Variants in ZNF793 observed in about 807,000 individuals in gnomAD.
The protein encoded by ZNF793 is zinc finger protein 793.
ZNF793 carries 5 observed loss-of-function variants against 12.4 expected under a neutral mutation model. The ratio of observed to expected loss-of-function variants is 0.40; its 90% CI spans 0.21 to 0.84. ZNF793 has a LOEUF of 0.84. Ranked by LOEUF, ZNF793 falls within the 40% of genes least tolerant of loss-of-function variation. The probability of loss-of-function intolerance (pLI) is 0.35; values close to 1 mark genes in which losing one functional copy is unlikely to be tolerated. For synonymous variants in ZNF793, 162 were observed against 172.4 expected, an observed-to-expected ratio of 0.94 and a Z score of 0.47; for missense variants, 456 against 495.0, an observed-to-expected ratio of 0.92 and a Z score of 0.75.
intron 5 of ZNF793, among the ~76,000 whole-genome samples, chr19:37,529,281 C>A (rs2042439045): frequency 6.6e-6 from 1 of 152,120 alleles, no homozygotes; most frequent in Admixed American, 6.5e-5. Context: ...TTCTTTACAG[C>A]GTTCCATCTT....
At chr19:37,518,674 T>G (rs1213860496) in intron 2 of ZNF793, among the ~76,000 whole-genome samples, 1 of 149,814 alleles carries the variant, frequency 6.7e-6, no homozygotes, top group Non-Finnish European at 1.5e-5. Flanking sequence ...TTGGTGCACA[T>G]CTATAGTCCT....
intron 2 of ZNF793, among the ~76,000 whole-genome samples, chr19:37,515,760 T>C (rs2042327259): frequency 6.6e-6 from 1 of 152,210 alleles, no homozygotes; most frequent in Admixed American, 6.5e-5. Context: ...TTGAGATGTA[T>C]AGAAAGTCTT....
rs1364289966 is a variant in ZNF793 at position 37,542,639 on chromosome 19, A to G, written c.*4760A>G. 4.8e-6 allele frequency: 1 copy of G among 206,994 alleles called. No homozygotes were observed. The allele number at this position is 206,994 out of a possible 1,614,324, so 12.8% of individuals were successfully genotyped here. ...GAAAAAACTATAGTGTATCCATTCC[A>G]TAGAATGTTAATATAGCCATTAAGG... On this transcript the variant is annotated 3_prime_UTR_variant, in exon 8 of 8. Coordinates refer to ENST00000627814, the MANE Select transcript of ZNF793 (RefSeq NM_001013659.3).
chr19:37,539,352 A>C lies in ZNF793; in HGVS notation c.*1473A>C, dbSNP rs181679208. On this transcript the variant is annotated 3_prime_UTR_variant, in exon 8 of 8. Transcript: ENST00000627814. ...TATATACAGGTTGTATAACTCAGAA[A>C]TGTTTCATGCGTAGACCACTGAAGG... The C allele has an allele frequency of 9.2e-5, 14 of 152,350 alleles. No individual in the cohort carries two copies. Among genetic ancestry groups the C allele is most frequent in the African/African-American group, 3.1e-4 (13 of 41,592 alleles). 9.4% of individuals were successfully genotyped at this position (152,350 alleles called of 1,614,324 possible). A position where few individuals can be genotyped will look rare whatever the true frequency, so the allele number is the denominator to read the frequency against.
rs2042550075 is a variant in ZNF793, at chr19:37,541,230, T to C, written c.*3351T>C. 1 of 152,108 alleles carries C rather than the reference T, an allele frequency of 6.6e-6. No individual in the cohort carries two copies. Among genetic ancestry groups the C allele is most frequent in the African/African-American group, 2.4e-5 (1 of 41,428 alleles). The allele number at this position is 152,108 out of a possible 1,614,324, so 9.4% of individuals were successfully genotyped here. A position where few individuals can be genotyped will look rare whatever the true frequency, so the allele number is the denominator to read the frequency against. On this transcript the variant is annotated 3_prime_UTR_variant, in exon 8 of 8. Coordinates refer to ENST00000627814, the MANE Select transcript of ZNF793 (RefSeq NM_001013659.3). The stretch of plus-strand genomic sequence containing the variant: ...TAATCTTAAAGGAAGAAAATTTGGA[T>C]TAACAGCACAAAAATAAATTCTGGG...
chr19:37,512,410 G>T (rs1023547453), intron 2 of ZNF793, among the ~76,000 whole-genome samples: 1 of 152,032 alleles, frequency 6.6e-6, no homozygotes, highest in African/African-American at 2.4e-5. Context: ...AGCTACTCAG[G>T]AGGCTGAGGC....
Position 37,540,276 on chromosome 19 carries a change from A to AAG in ZNF793, c.*2398_*2399insGA, listed in dbSNP as rs1173519802. The AAG allele has an allele frequency of 2.0e-5, 3 of 150,918 alleles. No homozygotes were observed. The highest frequency in any genetic ancestry group is 7.3e-5 in the African/African-American group (3 of 41,136). The allele number at this position is 150,918 out of a possible 1,614,324, so 9.3% of individuals were successfully genotyped here. A position where few individuals can be genotyped will look rare whatever the true frequency, so the allele number is the denominator to read the frequency against. ...GAGCGAAACTCCGTCAAAAAAAAAA[A>AAG]AAAAAAAAGAAAACTTCAGACCAGT... is the stretch of plus-strand genomic sequence containing the variant. On this transcript the variant is annotated 3_prime_UTR_variant, in exon 8 of 8. Transcript: ENST00000627814.
chr19:37,513,903 C>T lies in ZNF793; in HGVS notation c.-276+5500C>T, dbSNP rs138272431. ...TTATTTTCTGTCTTGATGAAACATTCAGTCAAGGAAGTTAGAAAATATATA... is the reference window on the plus strand; with the variant it reads ...TTATTTTCTGTCTTGATGAAACATTTAGTCAAGGAAGTTAGAAAATATATA... On this transcript the variant is annotated intron_variant, in intron 2 of 7. Coordinates refer to ENST00000627814, the MANE Select transcript of ZNF793 (RefSeq NM_001013659.3). Among the ~76,000 whole-genome samples the T allele has an allele frequency of 4.6e-3, 698 of 152,050 alleles. 3 individuals are homozygous for T. Among genetic ancestry groups the T allele is most frequent in the Middle Eastern group, 0.01 (3 of 294 alleles).
intron 2 of ZNF793, among the ~76,000 whole-genome samples, chr19:37,511,808 G>C (rs1311148212): frequency 1.3e-5 from 2 of 152,306 alleles, no homozygotes; most frequent in South Asian, 4.1e-4. Flanking sequence ...TTTCTAGTAG[G>C]GTCCCATTAA....
chr19:37,520,990 AT>A (rs746446667), intron 3 of ZNF793, among the ~76,000 whole-genome samples: 108 of 143,306 alleles, frequency 7.5e-4, no homozygotes, highest in South Asian at 6.7e-4. Context: ...TGCCCGGCTA[AT>A]TTTTTTTTTT....
chr19:37,530,162 T>C (rs1365419435), intron 5 of ZNF793, among the ~76,000 whole-genome samples: 1 of 152,166 alleles, frequency 6.6e-6, no homozygotes, highest in Non-Finnish European at 1.5e-5. Flanking sequence ...AGCAGTATTG[T>C]TGCCCGCATG....
At chr19:37,532,245 C>A in intron 5 of ZNF793, 111 bp from the exon 6 acceptor site, 1 of 1,228,906 alleles carries the variant, frequency 8.1e-7, no homozygotes, top group South Asian at 1.4e-5. Flanking sequence ...AACTCCTGAT[C>A]CTCCCACCTT....
rs1428375310 is a variant in ZNF793, at chr19:37,533,390, C to A, written c.225C>A (p.Gly75=). ...APWIGEAACP[G]CHCWEDIWRV... ...GGATTGGTGAGGCAGCATGCCCGGG[C>A]TGCCACTGTTGGGGTAAGTGTGATA... Residue 75 remains glycine (G), a synonymous_variant, in exon 7 of 8, where the codon GGC becomes GGA. Coordinates refer to ENST00000627814, the MANE Select transcript of ZNF793 (RefSeq NM_001013659.3). The A allele has an allele frequency of 6.2e-7, 1 of 1,613,958 alleles. No individual in the cohort carries two copies. The highest frequency in any genetic ancestry group is 8.5e-7 in the Non-Finnish European group (1 of 1,179,862).
intron 3 of ZNF793, among the ~76,000 whole-genome samples, chr19:37,521,429 CTTTTTTTTTT>C (rs74174472): frequency 5.2e-5 from 5 of 97,004 alleles, no homozygotes; most frequent in African/African-American, 1.2e-4. Flanking sequence ...GGTCAATTCT[CTTTTTTTTTT>C]TTTTTTTTTT....
At chr19:37,533,282 G>A (rs1181939819) in intron 6 of ZNF793, 26 bp from the exon 7 acceptor site, 16 of 1,609,368 alleles carry the variant, frequency 9.9e-6, no homozygotes, top group Non-Finnish European at 1.4e-5. Flanking sequence ...CTCAGCCCAA[G>A]ACCTGCATCA....
rs765619825 is a variant in ZNF793, at chr19:37,532,418, T to G, written c.78T>G (p.Ser26Arg). ...GFTQEEWHRL[S>R]PAQRALYRDV... is the part of the protein sequence containing the mutation. ...CCCAAGAGGAGTGGCACCGGCTGAG[T>G]CCTGCTCAGAGGGCCCTGTACCGGG... Residue 26 changes from serine (S) to arginine (R), a missense_variant, in exon 6 of 8, where the codon AGT becomes AGG. Physicochemically the swap from Ser to Arg is moderately radical, Grantham distance 110. Coordinates refer to ENST00000627814, the MANE Select transcript of ZNF793 (RefSeq NM_001013659.3). 1.2e-6 allele frequency: 2 copies of G among 1,613,942 alleles called. No individual in the cohort carries two copies. Among genetic ancestry groups the G allele is most frequent in the Admixed American group, 3.3e-5 (2 of 59,978 alleles).
chr19:37,517,188 G>A (rs1261688354), intron 2 of ZNF793, among the ~76,000 whole-genome samples: 1 of 152,120 alleles, frequency 6.6e-6, no homozygotes, highest in Non-Finnish European at 1.5e-5. Flanking sequence ...AAAATTACTA[G>A]ACTAATTTTA....
At chr19:37,526,726 C>T (rs184991953) in intron 5 of ZNF793, among the ~76,000 whole-genome samples, 1 of 152,334 alleles carries the variant, frequency 6.6e-6, no homozygotes, top group Non-Finnish European at 1.5e-5. Context: ...TGCTCAGGTG[C>T]TGCTGGAAGC....
chr19:37,515,781 T>C (rs1321820462), intron 2 of ZNF793, among the ~76,000 whole-genome samples: 1 of 152,216 alleles, frequency 6.6e-6, no homozygotes, highest in Non-Finnish European at 1.5e-5. Context: ...GAATAAATAT[T>C]GAAGCCTTGT....
Sources: allele counts gnomAD v4.1 joint callset (sites outside exome capture counted in the v4.1 genomes callset), GRCh38; gene constraint gnomAD v4.1.1; transcripts MANE v1.5; gene names NCBI Gene and HGNC (gene_info 2026-07-23, HGNC 2026-07-21).